PAPPA: variants seen among roughly 807,000 people sequenced by gnomAD.
The protein encoded by PAPPA is pappalysin 1, also known as pappalysin-1.
A neutral mutation model predicts 164.0 loss-of-function variants in PAPPA; 60 were observed. That is an observed-to-expected ratio of 0.37 (90% CI 0.30 to 0.45). PAPPA has a LOEUF of 0.45. Among genes scored for constraint, PAPPA ranks in the 20% least tolerant of loss-of-function variants. The pLI, the probability that PAPPA is intolerant of heterozygous loss-of-function variation, is 1.00. For synonymous variants in PAPPA, 875 were observed against 814.1 expected, an observed-to-expected ratio of 1.07 and a Z score of -1.27; for missense variants, 1,782 against 2,087.3, an observed-to-expected ratio of 0.85 and a Z score of 2.85.
rs527721865 is a variant in PAPPA at position 116,290,706 on chromosome 9, T to C, written c.2954-12051T>C. Among the ~76,000 whole-genome samples the C allele has an allele frequency of 3.9e-5, 6 of 152,074 alleles. No individual in the cohort carries two copies. In the East Asian group the frequency reaches 5.8e-4, roughly 15 times the overall value. On this transcript the variant is annotated intron_variant, in intron 9 of 21. Coordinates refer to ENST00000328252, the MANE Select transcript of PAPPA (RefSeq NM_002581.5). ...TTTCTTCCTTCCTTTCTCTCTCTCT[T>C]TTTTTTAATATGGAGATACAATCAC...
chr9:116,181,621 G>A (rs1843906222), intron 1 of PAPPA, among the ~76,000 whole-genome samples: 1 of 152,178 alleles, frequency 6.6e-6, no homozygotes, highest in Non-Finnish European at 1.5e-5. Flanking sequence ...CAATGAAAAG[G>A]AAAATGGGAG....
intron 17 of PAPPA, among the ~76,000 whole-genome samples, chr9:116,357,527 A>T (rs756938208): frequency 6.6e-6 from 1 of 152,206 alleles, no homozygotes; most frequent in African/African-American, 2.4e-5. Context: ...CGGGGAGGGT[A>T]AGTTCTTGCC....
chr9:116,305,915 C>T (rs1845639781), intron 10 of PAPPA, among the ~76,000 whole-genome samples: 1 of 152,164 alleles, frequency 6.6e-6, no homozygotes, highest in South Asian at 2.1e-4. Flanking sequence ...TACTTCAGTT[C>T]TCCTTGAACA....
intron 1 of PAPPA, among the ~76,000 whole-genome samples, chr9:116,169,010 C>T (rs1467352522): frequency 6.6e-6 from 1 of 152,120 alleles, no homozygotes; most frequent in East Asian, 1.9e-4. Context: ...TTAGAGATGG[C>T]TCCAAATAAG....
intron 8 of PAPPA, among the ~76,000 whole-genome samples, chr9:116,267,881 C>CAAAAAAA (rs61670954): frequency 1.6e-4 from 9 of 57,580 alleles, no homozygotes; most frequent in Non-Finnish European, 2.0e-4. Flanking sequence ...GACTCCGTCT[C>CAAAAAAA]AAAAAAAAAA....
chr9:116,395,861 TAA>T, intron 21 of PAPPA, among the ~76,000 whole-genome samples: 1 of 152,330 alleles, frequency 6.6e-6, no homozygotes, highest in East Asian at 1.9e-4. Flanking sequence ...CATTGCCTAC[TAA>T]AGTCAAAGTG....
In PAPPA at chr9:116,154,527, T is replaced by C; in HGVS notation, c.355T>C (p.Phe119Leu). The change falls in exon 1 of 22, where the codon TTC becomes CTC. Residue 119 changes from phenylalanine to leucine, a missense_variant. Phe to Leu is a conservative substitution (Grantham distance 22). Coordinates refer to ENST00000328252, the MANE Select transcript of PAPPA (RefSeq NM_002581.5). The surrounding 1 kb of genome is among the most constrained non-coding windows in gnomAD (Gnocchi z 5.2). Reference sequence around the variant, plus strand: ...CGACCTCGAGCTGCCCCGGGACGCGTTCACGCTGCAAGTGTGGCTGCGAGC... The same window carrying C: ...CGACCTCGAGCTGCCCCGGGACGCGCTCACGCTGCAAGTGTGGCTGCGAGC... ...RADLELPRDA[F>L]TLQVWLRAEG... The C allele has an allele frequency of 7.1e-7, 1 of 1,401,334 alleles. No homozygotes were observed. Among genetic ancestry groups the C allele is most frequent in the Non-Finnish European group, 9.3e-7 (1 of 1,075,466 alleles). 86.8% of individuals were successfully genotyped at this position (1,401,334 alleles called of 1,614,324 possible).
chr9:116,315,370 A>T (rs1217203083), intron 10 of PAPPA, among the ~76,000 whole-genome samples: 1 of 152,186 alleles, frequency 6.6e-6, no homozygotes. Flanking sequence ...GCACAGTGAG[A>T]AGGGTTGTTT....
At chr9:116,284,851 G>T (rs142399491) in intron 9 of PAPPA, among the ~76,000 whole-genome samples, 1 of 151,764 alleles carries the variant, frequency 6.6e-6, no homozygotes, top group Non-Finnish European at 1.5e-5. Flanking sequence ...AGTCTCTCTC[G>T]CCCCATGATC....
chr9:116,358,745 C>T (rs116074078), intron 17 of PAPPA, among the ~76,000 whole-genome samples: 1,860 of 152,314 alleles, frequency 0.012, 40 homozygotes, highest in African/African-American at 0.043. Flanking sequence ...TCTTTCCCTT[C>T]ATCCCACTGG....
chr9:116,383,154 T>C (rs1231539983), intron 21 of PAPPA, among the ~76,000 whole-genome samples: 3 of 152,164 alleles, frequency 2.0e-5, no homozygotes, highest in Non-Finnish European at 4.4e-5. Context: ...TAGATGCACA[T>C]TAACCCCTCA....
At chr9:116,264,460 C>G (rs1361699390) in intron 7 of PAPPA, among the ~76,000 whole-genome samples, 1 of 152,212 alleles carries the variant, frequency 6.6e-6, no homozygotes, top group East Asian at 1.9e-4. Context: ...ATCCAACATT[C>G]TCAGGAAAGT....
intron 1 of PAPPA, among the ~76,000 whole-genome samples, chr9:116,177,055 T>A (rs1888636): frequency 0.44 from 67,019 of 151,642 alleles, 17,999 homozygotes; most frequent in Non-Finnish European, 0.61. Flanking sequence ...CTGAGCTTAT[T>A]AGAAACAGTT....
chr9:116,400,039 A>C lies in PAPPA; in HGVS notation c.*3423A>C, dbSNP rs1170122835. 2 of 152,630 alleles carry C rather than the reference A, an allele frequency of 1.3e-5. No homozygotes were observed. The highest frequency in any genetic ancestry group is 4.8e-5 in the African/African-American group (2 of 41,452). The allele number at this position is 152,630 out of a possible 1,614,324, so 9.5% of individuals were successfully genotyped here. On this transcript the variant is annotated 3_prime_UTR_variant, in exon 22 of 22. Coordinates refer to ENST00000328252, the MANE Select transcript of PAPPA (RefSeq NM_002581.5). ...TGTGTGAAAGAAAGAAAAAGAAAGA[A>C]AGAAAGAAAGAGAAAGGAAATTATA...
chr9:116,328,668 C>A (rs2118942814), intron 10 of PAPPA, among the ~76,000 whole-genome samples: 1 of 152,266 alleles, frequency 6.6e-6, no homozygotes, highest in Middle Eastern at 3.4e-3. Context: ...TATAAGGCAG[C>A]TTTATATATA....
At chr9:116,178,954 G>T (rs1587940124) in intron 1 of PAPPA, among the ~76,000 whole-genome samples, 1 of 152,356 alleles carries the variant, frequency 6.6e-6, no homozygotes, top group East Asian at 1.9e-4. Context: ...ATTACAGTTT[G>T]CCATCCCAAA....
At position 116,153,940 on chromosome 9, in the gene PAPPA, G is replaced by A. The variant is rs1192528879; in HGVS notation, c.-233G>A. 8 of 303,652 alleles carry A rather than the reference G, an allele frequency of 2.6e-5. No individual in the cohort carries two copies. Among genetic ancestry groups the A allele is most frequent in the Non-Finnish European group, 4.3e-5 (8 of 188,102 alleles). 18.8% of individuals were successfully genotyped at this position (303,652 alleles called of 1,614,324 possible). Reference sequence around the variant, plus strand: ...AAAATAAGGCAGATAAAGGAGCGGGGAGAGAAATTAATTGCCAACCAGGAG... The same window carrying A: ...AAAATAAGGCAGATAAAGGAGCGGGAAGAGAAATTAATTGCCAACCAGGAG... On this transcript the variant is annotated 5_prime_UTR_variant, in exon 1 of 22. Transcript: ENST00000328252.
chr9:116,154,484 G>A lies in PAPPA; in HGVS notation c.312G>A (p.Glu104=). ...SRALYFSGRG[E]QLRLRADLEL... ...CGCTCTATTTCAGCGGGCGAGGCGA[G>A]CAGCTGCGCCTCCGGGCCGACCTCG... The change falls in exon 1 of 22, where the codon GAG becomes GAA. Residue 104 remains glutamate, a synonymous_variant. Coordinates refer to ENST00000328252, the MANE Select transcript of PAPPA (RefSeq NM_002581.5). This position sits in a 1 kb window ranked among gnomAD's most constrained non-coding sequence, Gnocchi z 5.2. 18 of 1,309,110 alleles carry A rather than the reference G, an allele frequency of 1.4e-5. No individual in the cohort carries two copies. The highest frequency in any genetic ancestry group is 1.8e-5 in the Non-Finnish European group (18 of 1,027,464). 81.1% of individuals were successfully genotyped at this position (1,309,110 alleles called of 1,614,324 possible).
chr9:116,298,943 A>G (rs1845544577), intron 9 of PAPPA, among the ~76,000 whole-genome samples: 1 of 152,220 alleles, frequency 6.6e-6, no homozygotes, highest in African/African-American at 2.4e-5. Context: ...AATTGATGTA[A>G]TGAAAACAAG....
Sources: allele counts gnomAD v4.1 joint callset (sites outside exome capture counted in the v4.1 genomes callset), GRCh38; gene constraint gnomAD v4.1.1; non-coding constraint Gnocchi (gnomAD v3.1); transcripts MANE v1.5; gene names NCBI Gene and HGNC (gene_info 2026-07-23, HGNC 2026-07-21).